Variants in FBLN1 observed in about 807,000 individuals in gnomAD.
The protein encoded by FBLN1 is fibulin 1, also known as fibulin-1.
Under a neutral mutation model 89.7 loss-of-function variants are expected in FBLN1, and 34 were observed. The ratio of observed to expected loss-of-function variants is 0.38; its 90% CI spans 0.29 to 0.50. FBLN1 has a LOEUF of 0.50. Among genes scored for constraint, FBLN1 ranks in the 20% least tolerant of loss-of-function variants. The probability of loss-of-function intolerance (pLI) is 0.92; values close to 1 mark genes in which losing one functional copy is unlikely to be tolerated. For synonymous variants in FBLN1, 393 were observed against 391.3 expected (o/e 1.00, Z -0.05); for missense variants, 777 against 988.1 (o/e 0.79, Z 2.86).
rs563268205 is a variant in FBLN1, at chr22:45,567,893, G to A, written c.1698-6618G>A. Among the ~76,000 whole-genome samples the A allele has an allele frequency of 4.4e-4, 67 of 152,298 alleles. 1 individual carries two copies. In the South Asian group the frequency reaches 0.013, roughly 31 times the overall value. ...TACTAGGTGCTTTGGGGGAACAGCAGCTGAAACTGGGAGGCGTTTTCCTCA... is the reference window on the plus strand; with the variant it reads ...TACTAGGTGCTTTGGGGGAACAGCAACTGAAACTGGGAGGCGTTTTCCTCA... On this transcript the variant is annotated intron_variant, in intron 14 of 16. Coordinates refer to ENST00000327858, the MANE Select transcript of FBLN1 (RefSeq NM_006486.3).
intron 14 of FBLN1, among the ~76,000 whole-genome samples, chr22:45,552,165 C>T (rs1207534120): frequency 1.3e-5 from 2 of 152,256 alleles, no homozygotes; most frequent in South Asian, 2.1e-4. Context: ...CCCGCACAGG[C>T]TCCGCCTTCG....
chr22:45,600,240 A>G (rs1330069828), intron 16 of FBLN1, 67 bp from the exon 17 acceptor site: 1 of 1,599,952 alleles, frequency 6.3e-7, no homozygotes, highest in African/African-American at 1.3e-5. Flanking sequence ...AAGGGAAACC[A>G]TTTCCCAGAT....
intron 1 of FBLN1, among the ~76,000 whole-genome samples, chr22:45,514,940 C>T (rs780330784): frequency 1.6e-4 from 24 of 152,136 alleles, no homozygotes; most frequent in Non-Finnish European, 3.1e-4. Context: ...TCCACTGAGC[C>T]CTGTGAGGAG....
Position 45,563,323 on chromosome 22 carries a change from G to A in FBLN1, c.1698-11188G>A, listed in dbSNP as rs530442464. ...TGTTGCTTTCCTAACCCTGCCCTCC[G>A]GGGCGTTAATAAAGTCTTAGCAAGC... On this transcript the variant is annotated intron_variant, in intron 14 of 16. Transcript: ENST00000327858. This position sits in a 1 kb window ranked among gnomAD's most constrained non-coding sequence, Gnocchi z 5.7. The A allele has an allele frequency of 2.6e-5, 42 of 1,610,636 alleles. No individual in the cohort carries two copies. Among genetic ancestry groups the A allele is most frequent in the African/African-American group, 2.4e-4 (18 of 75,024 alleles).
rs182913539 is a variant in FBLN1, at chr22:45,580,981, G to A, written c.1972+3873G>A. ...AAAGAAAAATGAAGAATGCGTTTTC[G>A]CCCTGTGCAAAAATGCTCCATTAAT... is the stretch of plus-strand genomic sequence containing the variant. On this transcript the variant is annotated intron_variant, in intron 16 of 16. Transcript: ENST00000327858. The surrounding 1 kb of genome is among the most constrained non-coding windows in gnomAD (Gnocchi z 8.6). Among the ~76,000 whole-genome samples, 2 of 152,316 alleles carry A rather than the reference G, an allele frequency of 1.3e-5. No homozygotes were observed. The highest frequency in any genetic ancestry group is 1.9e-4 in the East Asian group (1 of 5,186).
At chr22:45,571,865 TCA>T (rs1189448498) in intron 14 of FBLN1, among the ~76,000 whole-genome samples, 1 of 152,112 alleles carries the variant, frequency 6.6e-6, no homozygotes, top group Admixed American at 6.6e-5. Context: ...GCGCGGTGGC[TCA>T]CACCTATAAT....
intron 14 of FBLN1, among the ~76,000 whole-genome samples, chr22:45,566,182 G>A (rs1328444934): frequency 6.6e-6 from 1 of 152,200 alleles, no homozygotes; most frequent in African/African-American, 2.4e-5. Flanking sequence ...GAACACCTGT[G>A]CCTTCATGTG....
chr22:45,520,596 A>G (rs2088236812), intron 2 of FBLN1, among the ~76,000 whole-genome samples: 1 of 152,204 alleles, frequency 6.6e-6, no homozygotes. Context: ...TTTTGGGAAG[A>G]CACAATTTAG....
In FBLN1 at chr22:45,543,540, C is replaced by A. The variant is rs766818305; in HGVS notation, c.1321+14C>A. ...GGTCATGTGAAGGTGAGGCTGGGGCCCCGTCCACTCACCTCCCCCAGGTCA... is the reference window on the plus strand; with the variant it reads ...GGTCATGTGAAGGTGAGGCTGGGGCACCGTCCACTCACCTCCCCCAGGTCA... On this transcript the variant is annotated intron_variant, in intron 11 of 16. Transcript: ENST00000327858. 1.6e-5 allele frequency: 26 copies of A among 1,611,760 alleles called. No homozygotes were observed. Among genetic ancestry groups the A allele is most frequent in the Non-Finnish European group, 2.2e-5 (26 of 1,179,798 alleles).
chr22:45,506,509 C>T (rs1479072203), intron 1 of FBLN1, among the ~76,000 whole-genome samples: 1 of 152,144 alleles, frequency 6.6e-6, no homozygotes, highest in African/African-American at 2.4e-5. Context: ...ATGAACTGAG[C>T]CCTACTGGCA....
chr22:45,564,901 G>A (rs763274382), intron 14 of FBLN1: 3 of 1,613,928 alleles, frequency 1.9e-6, no homozygotes, highest in African/African-American at 1.3e-5. Flanking sequence ...TCCAAGAAGG[G>A]AAGGCAGAAC....
rs2146967661 is a variant in FBLN1 at position 45,532,152 on chromosome 22, A to G, written c.544+828A>G. Among the ~76,000 whole-genome samples the G allele has an allele frequency of 6.6e-6, 1 of 152,288 alleles. No individual in the cohort carries two copies. Among genetic ancestry groups the G allele is most frequent in the Admixed American group, 6.5e-5 (1 of 15,294 alleles). On this transcript the variant is annotated intron_variant, in intron 5 of 16. Coordinates refer to ENST00000327858, the MANE Select transcript of FBLN1 (RefSeq NM_006486.3). This position sits in a 1 kb window ranked among gnomAD's most constrained non-coding sequence, Gnocchi z 4.2. ...GGCCAGTTTAATTCTTAAATGATGC[A>G]GTCAGTGTACAGTGACAGTTGGTCC...
intron 2 of FBLN1, among the ~76,000 whole-genome samples, chr22:45,521,690 G>A (rs576942941): frequency 2.7e-4 from 41 of 152,292 alleles, no homozygotes; most frequent in African/African-American, 9.1e-4. Flanking sequence ...TGTGGCTGTG[G>A]GGGTCCTCGG....
chr22:45,557,230 G>A lies in FBLN1; in HGVS notation c.1697+6615G>A, dbSNP rs2088799817. Among the ~76,000 whole-genome samples, 1 of 152,204 alleles carries A rather than the reference G, an allele frequency of 6.6e-6. No homozygotes were observed. The highest frequency in any genetic ancestry group is 2.4e-5 in the African/African-American group (1 of 41,434). ...ATGCTGTGTGGAATACCATGAGGGTGGATAAGGCATTCTGTGAACCCACGG... is the reference window on the plus strand; with the variant it reads ...ATGCTGTGTGGAATACCATGAGGGTAGATAAGGCATTCTGTGAACCCACGG... On this transcript the variant is annotated intron_variant, in intron 14 of 16. Coordinates refer to ENST00000327858, the MANE Select transcript of FBLN1 (RefSeq NM_006486.3). This position sits in a 1 kb window ranked among gnomAD's most constrained non-coding sequence, Gnocchi z 4.9.
At chr22:45,547,039 A>G (rs781118191) in intron 11 of FBLN1, 46 bp from the exon 12 acceptor site, 3 of 1,613,218 alleles carry the variant, frequency 1.9e-6, no homozygotes, top group South Asian at 2.2e-5. Context: ...CTGTGGAGGC[A>G]GGGACGTATG....
chr22:45,575,644 C>T lies in FBLN1; in HGVS notation c.1840+991C>T, dbSNP rs1327820131. ...GTGTAACCCAGTCAGTGCTCCCACA[C>T]CCCAGCCTGGCTCTCTAGGAAGCTC... On this transcript the variant is annotated intron_variant, in intron 15 of 16. Coordinates refer to ENST00000327858, the MANE Select transcript of FBLN1 (RefSeq NM_006486.3). The surrounding 1 kb of genome is among the most constrained non-coding windows in gnomAD (Gnocchi z 6.3). 6.6e-6 allele frequency among the ~76,000 whole-genome samples: 1 copy of T among 152,166 alleles called. No homozygotes were observed. The highest frequency in any genetic ancestry group is 2.4e-5 in the African/African-American group (1 of 41,440).
At chr22:45,512,858 A>G (rs982582912) in intron 1 of FBLN1, among the ~76,000 whole-genome samples, 8 of 152,154 alleles carry the variant, frequency 5.3e-5, no homozygotes, top group African/African-American at 1.9e-4. Context: ...CCTGGGCTCA[A>G]GCGATCCTCC....
intron 7 of FBLN1, among the ~76,000 whole-genome samples, chr22:45,534,573 C>G (rs149893861): frequency 6.6e-6 from 1 of 152,330 alleles, no homozygotes; most frequent in Non-Finnish European, 1.5e-5. Context: ...AAAAATGTCA[C>G]TCACTGTATC....
intron 14 of FBLN1, chr22:45,565,060 G>C: frequency 6.2e-7 from 1 of 1,605,360 alleles, no homozygotes; most frequent in Non-Finnish European, 8.5e-7. Flanking sequence ...ATTGTGCCAC[G>C]GGAGCATGAG....
Sources: gnomAD v4.1 joint callset for allele counts (sites outside exome capture counted in the v4.1 genomes callset) on GRCh38, gnomAD v4.1.1 for gene constraint, Gnocchi (gnomAD v3.1) non-coding constraint, MANE v1.5 for transcripts, NCBI Gene and HGNC (gene_info 2026-07-23, HGNC 2026-07-21) for gene names.